TRRAP: variants seen among roughly 807,000 people sequenced by gnomAD.
The protein encoded by TRRAP is transformation/transcription domain-associated protein.
Under a neutral mutation model 438.8 loss-of-function variants are expected in TRRAP, and 41 were observed. That is an observed-to-expected ratio of 0.09 (90% confidence interval 0.07 to 0.12). The LOEUF is 0.12. Ranked by LOEUF, TRRAP falls within the 10% of genes least tolerant of loss-of-function variation. The probability of loss-of-function intolerance (pLI) is 1.00; values close to 1 mark genes in which losing one functional copy is unlikely to be tolerated. For synonymous variants in TRRAP, 1,994 were observed against 1,962.9 expected, an observed-to-expected ratio of 1.02 and a Z score of -0.42; for missense variants, 3,122 against 5,055.1, an observed-to-expected ratio of 0.62 and a Z score of 11.60.
At chr7:98,996,166 G>C (rs976086354) in intron 67 of TRRAP, among the ~76,000 whole-genome samples, 1 of 150,926 alleles carries the variant, frequency 6.6e-6, no homozygotes, top group Non-Finnish European at 1.5e-5. Flanking sequence ...TTACACACGC[G>C]TGTCCCCGCG....
chr7:98,945,724 A>G lies in TRRAP; in HGVS notation c.4474-23A>G, dbSNP rs782050180. 2.5e-6 allele frequency: 4 copies of G among 1,596,650 alleles called. No individual in the cohort carries two copies. In the South Asian group the frequency reaches 3.3e-5, roughly 13 times the overall value. ...TGTAAATAACATAAATAGAAAAAAGATGATTTTCCTCCCCATCCTCAGGAA... is the reference window on the plus strand; with the variant it reads ...TGTAAATAACATAAATAGAAAAAAGGTGATTTTCCTCCCCATCCTCAGGAA... On this transcript the variant is annotated intron_variant, in intron 31 of 72. Transcript: ENST00000456197.
chr7:98,971,101 C>T (rs1001547957), intron 52 of TRRAP, among the ~76,000 whole-genome samples: 1 of 152,134 alleles, frequency 6.6e-6, no homozygotes, highest in Non-Finnish European at 1.5e-5. Flanking sequence ...AGGGGTGGTG[C>T]GTCCCCTCTT....
intron 57 of TRRAP, 67 bp from the exon 58 acceptor site, chr7:98,978,702 C>T (rs1792779274): frequency 1.2e-6 from 2 of 1,604,288 alleles, no homozygotes; most frequent in East Asian, 2.2e-5. Flanking sequence ...AAACCCTGTC[C>T]CTGCCTTTGT....
chr7:98,897,882 A>C lies in TRRAP; in HGVS notation c.633+16A>C. 6.2e-7 allele frequency: 1 copy of C among 1,613,110 alleles called. No individual in the cohort carries two copies. The highest frequency in any genetic ancestry group is 8.5e-7 in the Non-Finnish European group (1 of 1,179,448). On this transcript the variant is annotated intron_variant, in intron 8 of 72. Transcript: ENST00000456197. The stretch of plus-strand genomic sequence containing the variant: ...GACTCGAACAGTAAGTGTTTCGCTG[A>C]GTTATTTCTACCCGTGGCTCCTGTA...
chr7:98,909,752 G>A (rs1021879785), intron 14 of TRRAP, among the ~76,000 whole-genome samples: 2 of 151,340 alleles, frequency 1.3e-5, no homozygotes, highest in Non-Finnish European at 2.9e-5. Context: ...GCCAGACTCT[G>A]CACATGCAAA....
chr7:98,941,276 A>G (rs1221200448), intron 30 of TRRAP, among the ~76,000 whole-genome samples: 1 of 152,162 alleles, frequency 6.6e-6, no homozygotes, highest in Admixed American at 6.5e-5. Flanking sequence ...CCTGGGTTCA[A>G]GCAATCCTCC....
rs75166539 is a variant in TRRAP at position 98,998,762 on chromosome 7, C to T, written c.10309+3914C>T. On this transcript the variant is annotated intron_variant, in intron 67 of 72. Transcript: ENST00000456197. ...CTCTTCGAGTTCTCTTCTAGCCACTCCTTTCTTTCCATCTCTTCCAGTGCC... is the reference window on the plus strand; with the variant it reads ...CTCTTCGAGTTCTCTTCTAGCCACTTCTTTCTTTCCATCTCTTCCAGTGCC... 1.5e-3 allele frequency: 325 copies of T among 222,936 alleles called. 2 individuals carry two copies. In the East Asian group the frequency reaches 0.025, roughly 17 times the overall value. 13.8% of individuals were successfully genotyped at this position (222,936 alleles called of 1,614,324 possible).
At chr7:98,996,528 C>A (rs1272625876) in intron 67 of TRRAP, among the ~76,000 whole-genome samples, 2 of 152,178 alleles carry the variant, frequency 1.3e-5, no homozygotes, top group Non-Finnish European at 2.9e-5. Flanking sequence ...GGTACAGTTT[C>A]CCAGAGATGA....
intron 64 of TRRAP, 143 bp from the exon 65 acceptor site, chr7:98,991,994 A>C: frequency 1.2e-6 from 1 of 817,138 alleles, no homozygotes; most frequent in Admixed American, 2.0e-5. Context: ...GCGTCAGATC[A>C]GTGCTGCAGT....
At position 98,950,902 on chromosome 7, in the gene TRRAP, T is replaced by C; in HGVS notation, c.5361T>C (p.Ala1787=). 2.5e-6 allele frequency: 4 copies of C among 1,580,066 alleles called. No individual in the cohort carries two copies. Among genetic ancestry groups the C allele is most frequent in the Non-Finnish European group, 3.4e-6 (4 of 1,168,968 alleles). ...TTCTGCAGCATATCTTGAATCCTGC[T>C]TTCTTGTACAGCTTTGAGAAGGGGG... is the stretch of plus-strand genomic sequence containing the variant. ...AKVLQHILNP[A]FLYSFEKGEG... is the part of the protein sequence containing the mutation. The change falls in exon 39 of 73, where the codon GCT becomes GCC. Residue 1787 remains alanine (A), a synonymous_variant. Transcript: ENST00000456197.
chr7:98,993,409 AAGCGGTCTTGT>A, intron 65 of TRRAP, 118 bp from the exon 66 acceptor site: 1 of 981,182 alleles, frequency 1.0e-6, no homozygotes. Context: ...GTCCTTGGGG[AAGCGGTCTTGT>A]AGGGATTCAC....
At position 98,953,442 on chromosome 7, in the gene TRRAP, C is replaced by T. The variant is rs1311138150; in HGVS notation, c.5730+9C>T. The T allele has an allele frequency of 6.2e-7, 1 of 1,605,762 alleles. No individual in the cohort carries two copies. Among genetic ancestry groups the T allele is most frequent in the Non-Finnish European group, 8.5e-7 (1 of 1,178,528 alleles). ...AGAAGATCGTCCTGCAGGTATTTTG[C>T]AAGCCCCTCCTGTCCGCCGACATCA... On this transcript the variant is annotated intron_variant, in intron 40 of 72. Transcript: ENST00000456197.
At position 98,956,607 on chromosome 7, in the gene TRRAP, A is replaced by C. The variant is rs1335637635; in HGVS notation, c.6231+74A>C. 16 of 1,545,642 alleles carry C rather than the reference A, an allele frequency of 1.0e-5. No homozygotes were observed. The highest frequency in any genetic ancestry group is 1.4e-5 in the Non-Finnish European group (16 of 1,150,238). ...GGTTCGTTTATTCCCTATATTTAGA[A>C]TGTGAGCTCGGTGCTCAGCTGCATT... is the stretch of plus-strand genomic sequence containing the variant. On this transcript the variant is annotated intron_variant, in intron 43 of 72. Transcript: ENST00000456197. This position sits in a 1 kb window ranked among gnomAD's most constrained non-coding sequence, Gnocchi z 4.5.
intron 45 of TRRAP, among the ~76,000 whole-genome samples, chr7:98,959,954 A>G (rs897731628): frequency 5.5e-5 from 8 of 144,232 alleles, no homozygotes; most frequent in African/African-American, 1.1e-4. Flanking sequence ...AAAAAAAAAA[A>G]GAAAAAGAAA....
Position 98,949,698 on chromosome 7 carries a change from G to A in TRRAP, c.4992G>A (p.Leu1664=). ...TAGTGAAAAACGATGACTCCTGGCT[G>A]GCCAGCCAGCACTCTCTGGTGAGCC... ...SIIVKNDDSW[L]ASQHSLVSQL... is the part of the protein sequence containing the mutation. Residue 1664 remains leucine, a synonymous_variant, in exon 37 of 73, where the codon CTG becomes CTA. Coordinates refer to ENST00000456197, the MANE Select transcript of TRRAP (RefSeq NM_001375524.1). The A allele has an allele frequency of 6.2e-7, 1 of 1,614,048 alleles. No individual in the cohort carries two copies.
At chr7:98,959,246 G>A in intron 44 of TRRAP, 98 bp from the exon 45 acceptor site, 1 of 1,507,140 alleles carries the variant, frequency 6.6e-7, no homozygotes, top group South Asian at 1.3e-5. Context: ...ATCTGAGACA[G>A]GTGTAAGGGC....
intron 6 of TRRAP, among the ~76,000 whole-genome samples, chr7:98,894,332 A>G (rs1218744290): frequency 1.3e-5 from 2 of 152,214 alleles, no homozygotes; most frequent in African/African-American, 2.4e-5. Flanking sequence ...GAGGAATTAG[A>G]CATAAAGTTT....
intron 45 of TRRAP, among the ~76,000 whole-genome samples, chr7:98,960,842 C>A (rs1195497403): frequency 2.0e-5 from 3 of 151,726 alleles, no homozygotes; most frequent in Non-Finnish European, 4.4e-5. Flanking sequence ...GCCTCAAATT[C>A]CTGGCCTCAA....
intron 7 of TRRAP, among the ~76,000 whole-genome samples, chr7:98,896,234 A>G (rs531092720): frequency 3.3e-5 from 5 of 151,978 alleles, no homozygotes; most frequent in African/African-American, 1.2e-4. Flanking sequence ...AAATTTTACT[A>G]ACTTTTTTTT....
Sources: gnomAD v4.1 joint callset for allele counts (sites outside exome capture counted in the v4.1 genomes callset) on GRCh38, gnomAD v4.1.1 for gene constraint, Gnocchi (gnomAD v3.1) non-coding constraint, MANE v1.5 for transcripts, NCBI Gene and HGNC (gene_info 2026-07-23, HGNC 2026-07-21) for gene names.